The following GDAP2 variants were observed in gnomAD, a reference collection of about 807,000 sequenced individuals.
GDAP2 encodes the protein ganglioside induced differentiation associated protein 2, also known as ganglioside-induced differentiation-associated protein 2.
Under a neutral mutation model 67.0 loss-of-function variants are expected in GDAP2, and 51 were observed. The observed-to-expected ratio is 0.76, with a 90% CI of 0.61 to 0.96. The LOEUF (loss-of-function observed/expected upper bound fraction) is 0.96. Ranked by LOEUF, GDAP2 falls within the 40% of genes least tolerant of loss-of-function variation. The pLI, the probability that GDAP2 is intolerant of heterozygous loss-of-function variation, is 0.00. For synonymous variants in GDAP2, 203 were observed against 207.3 expected, an observed-to-expected ratio of 0.98 and a Z score of 0.18; for missense variants, 547 against 588.3, an observed-to-expected ratio of 0.93 and a Z score of 0.73.
intron 13 of GDAP2, among the ~76,000 whole-genome samples, chr1:117,874,915 C>T (rs1242902540): frequency 3.3e-5 from 5 of 152,146 alleles, no homozygotes; most frequent in Non-Finnish European, 4.4e-5. Context: ...AATACTGGTA[C>T]CCTACGGTAT....
intron 13 of GDAP2, among the ~76,000 whole-genome samples, chr1:117,872,076 CAT>C (rs1648309926): frequency 6.6e-6 from 1 of 152,014 alleles, no homozygotes; most frequent in African/African-American, 2.4e-5. Context: ...GGCCAACAAA[CAT>C]ATTAAAAAAA....
At chr1:117,927,002 TA>T (rs11406734) in intron 1 of GDAP2, among the ~76,000 whole-genome samples, 35 of 147,560 alleles carry the variant, frequency 2.4e-4, no homozygotes, top group South Asian at 2.1e-4. Flanking sequence ...AAGCCCTAGT[TA>T]AAAAAAAAAA....
chr1:117,883,440 G>A, intron 11 of GDAP2, 48 bp downstream of exon 11: 3 of 1,420,080 alleles, frequency 2.1e-6, no homozygotes, highest in Non-Finnish European at 3.0e-6. Context: ...CTTAATATTA[G>A]AAAAGAAAGA....
chr1:117,894,058 T>C (rs1421418562), intron 8 of GDAP2, among the ~76,000 whole-genome samples: 1 of 152,092 alleles, frequency 6.6e-6, no homozygotes, highest in Admixed American at 6.6e-5. Flanking sequence ...ATTACTGTAA[T>C]ATCACATAGT....
At chr1:117,872,272 G>T (rs1357445540) in intron 13 of GDAP2, among the ~76,000 whole-genome samples, 1 of 152,150 alleles carries the variant, frequency 6.6e-6, no homozygotes, top group Non-Finnish European at 1.5e-5. Context: ...CACTGTGGAA[G>T]ACAGTGTGGT....
intron 13 of GDAP2, among the ~76,000 whole-genome samples, chr1:117,875,809 C>T (rs1347527276): frequency 6.6e-6 from 1 of 152,188 alleles, no homozygotes; most frequent in Non-Finnish European, 1.5e-5. Context: ...TTTCTTTTGG[C>T]CTGTTCCTCT....
chr1:117,920,059 CAAT>C, intron 2 of GDAP2, 120 bp downstream of exon 2: 2 of 557,730 alleles, frequency 3.6e-6, no homozygotes, highest in Non-Finnish European at 6.4e-6. Flanking sequence ...AATTATACCT[CAAT>C]AAAGTCATAT....
Position 117,870,500 on chromosome 1 carries a change from A to G in GDAP2, c.*69T>C. The G allele has an allele frequency of 1.1e-6, 1 of 935,732 alleles. No homozygotes were observed. 58.0% of individuals were successfully genotyped at this position (935,732 alleles called of 1,614,324 possible). ...GATCTGTACAGCAACAATGAATATC[A>G]CTTCAACAGGTAGCTATTCGTGGAG... On this transcript the variant is annotated 3_prime_UTR_variant, in exon 14 of 14. Coordinates refer to ENST00000369443, the MANE Select transcript of GDAP2 (RefSeq NM_017686.4).
At chr1:117,921,113 A>G (rs1650238237) in intron 1 of GDAP2, among the ~76,000 whole-genome samples, 1 of 152,202 alleles carries the variant, frequency 6.6e-6, no homozygotes, top group African/African-American at 2.4e-5. Context: ...GTTGCTAGAG[A>G]AAAGGAGAAT....
chr1:117,929,293 T>TG (rs1238134362), intron 1 of GDAP2, among the ~76,000 whole-genome samples, 155 bp downstream of exon 1: 3 of 152,042 alleles, frequency 2.0e-5, no homozygotes, highest in African/African-American at 7.2e-5. Flanking sequence ...CTAACCAACA[T>TG]GCGAGGAAGT....
In GDAP2 at chr1:117,920,173, A is replaced by G. The variant is rs955661967; in HGVS notation, c.176+9T>C. On this transcript the variant is annotated intron_variant, in intron 2 of 13. Coordinates refer to ENST00000369443, the MANE Select transcript of GDAP2 (RefSeq NM_017686.4). ...ATCTCCTCATGATATGATGTAATCA[A>G]AAAATTACCAAAGAACCACTTTTCC... is the stretch of plus-strand genomic sequence containing the variant. 3.2e-6 allele frequency: 5 copies of G among 1,541,312 alleles called. No homozygotes were observed. The African/African-American group carries it at 6.8e-5, about 21-fold the overall frequency.
intron 13 of GDAP2, among the ~76,000 whole-genome samples, chr1:117,874,599 G>A (rs1488455740): frequency 3.3e-5 from 5 of 152,216 alleles, no homozygotes; most frequent in African/African-American, 1.2e-4. Flanking sequence ...GGGGTGGGGT[G>A]TTGCTATAAA....
In GDAP2 at chr1:117,869,918, T is replaced by G. The variant is rs566990406; in HGVS notation, c.*651A>C. ...CTTGTTTCACCCCACACTGTTGAGA[T>G]CGGAACTGTGGCAATCTTAACAAGT... On this transcript the variant is annotated 3_prime_UTR_variant, in exon 14 of 14. Transcript: ENST00000369443. 2.0e-5 allele frequency: 3 copies of G among 152,450 alleles called. No homozygotes were observed. Among genetic ancestry groups the G allele is most frequent in the Admixed American group, 1.3e-4 (2 of 15,308 alleles). The allele number at this position is 152,450 out of a possible 1,614,324, so 9.4% of individuals were successfully genotyped here.
Position 117,868,606 on chromosome 1 carries a change from A to G in GDAP2, c.*1963T>C, listed in dbSNP as rs1648155909. ...TTTGGGCCAGGTTCTTGAGGTAGCC[A>G]AGTTCCCCTTTAACAAAGAAAAGTT... On this transcript the variant is annotated 3_prime_UTR_variant, in exon 14 of 14. Coordinates refer to ENST00000369443, the MANE Select transcript of GDAP2 (RefSeq NM_017686.4). 6.6e-6 allele frequency: 1 copy of G among 152,194 alleles called. No individual in the cohort carries two copies. Among genetic ancestry groups the G allele is most frequent in the Non-Finnish European group, 1.5e-5 (1 of 68,042 alleles). The allele number at this position is 152,194 out of a possible 1,614,324, so 9.4% of individuals were successfully genotyped here.
At chr1:117,909,437 GC>G (rs1419005230) in intron 5 of GDAP2, among the ~76,000 whole-genome samples, 1 of 152,002 alleles carries the variant, frequency 6.6e-6, no homozygotes, top group African/African-American at 2.4e-5. Context: ...TATTATTTAG[GC>G]TTCAAATGAA....
At chr1:117,880,283 A>G (rs1013856677) in intron 12 of GDAP2, among the ~76,000 whole-genome samples, 1 of 152,136 alleles carries the variant, frequency 6.6e-6, no homozygotes, top group Admixed American at 6.6e-5. Flanking sequence ...GTTTCAAAGA[A>G]GCCAAGACAA....
At position 117,912,590 on chromosome 1, in the gene GDAP2, T is replaced by C; in HGVS notation, c.410A>G (p.Tyr137Cys). ...HTVGPKYKSRYRTAAESSLYS... is the reference protein window; with the variant it reads ...HTVGPKYKSRCRTAAESSLYS... ...AAGGGAACTCTCAGCTGCTGTGCGA[T>C]AGCGGCTTTTATATTTAGGTCCCAC... Residue 137 changes from tyrosine to cysteine, a missense_variant, in exon 4 of 14, where the codon TAT (tyrosine) becomes TGT (cysteine). Tyr to Cys is a radical substitution (Grantham distance 194). Coordinates refer to ENST00000369443, the MANE Select transcript of GDAP2 (RefSeq NM_017686.4). 1 of 1,613,340 alleles carries C rather than the reference T, an allele frequency of 6.2e-7. No individual in the cohort carries two copies. The highest frequency in any genetic ancestry group is 1.1e-5 in the South Asian group (1 of 91,070).
chr1:117,876,785 C>T (rs1648471577), intron 13 of GDAP2, among the ~76,000 whole-genome samples: 1 of 152,140 alleles, frequency 6.6e-6, no homozygotes, highest in Non-Finnish European at 1.5e-5. Context: ...AATGCTTTGG[C>T]TTAAAATACA....
At chr1:117,913,216 A>C (rs1649922290) in intron 3 of GDAP2, among the ~76,000 whole-genome samples, 1 of 152,152 alleles carries the variant, frequency 6.6e-6, no homozygotes, top group South Asian at 2.1e-4. Flanking sequence ...ATACATGCAT[A>C]AGAAATTATT....
Sources: allele counts gnomAD v4.1 joint callset (sites outside exome capture counted in the v4.1 genomes callset), GRCh38; gene constraint gnomAD v4.1.1; transcripts MANE v1.5; gene names NCBI Gene and HGNC (gene_info 2026-07-23, HGNC 2026-07-21).